The following TESPA1 variants were observed in gnomAD, a reference collection of about 807,000 sequenced individuals.
TESPA1 encodes protein TESPA1.
A neutral mutation model predicts 57.9 loss-of-function variants in TESPA1; 33 were observed. The ratio of observed to expected loss-of-function variants is 0.57; its 90% CI spans 0.43 to 0.76. The LOEUF (loss-of-function observed/expected upper bound fraction) is 0.76. Ranked by LOEUF, TESPA1 falls within the 30% of genes least tolerant of loss-of-function variation. TESPA1 has a pLI of 0.00. For missense variants in TESPA1, 618 were observed against 632.9 expected (o/e 0.98, Z 0.25); for synonymous variants, 227 against 228.9 (o/e 0.99, Z 0.07).
intron 10 of TESPA1, among the ~76,000 whole-genome samples, chr12:54,952,694 C>A (rs1410780309): frequency 6.6e-6 from 1 of 152,148 alleles, no homozygotes; most frequent in South Asian, 2.1e-4. Context: ...GTCTTTGGAC[C>A]AGGTCAAGCA....
rs887842203 is a variant in TESPA1, at chr12:54,969,043, A to G, written c.207-1151T>C. On this transcript the variant is annotated intron_variant, in intron 3 of 10. Transcript: ENST00000449076. ...TATGTATATATATATATATATATAT[A>G]TATGTGTGTGTGTAGATAGATAGAT... 4.7e-4 allele frequency among the ~76,000 whole-genome samples: 56 copies of G among 119,350 alleles called. 1 individual carries two copies. Among genetic ancestry groups the G allele is most frequent in the Non-Finnish European group, 1.4e-4 (9 of 63,772 alleles). 78.3% of individuals were successfully genotyped at this position (119,350 alleles called of 152,430 possible).
intron 10 of TESPA1, 133 bp downstream of exon 10, chr12:54,961,035 G>A: frequency 2.0e-6 from 2 of 1,022,434 alleles, no homozygotes; most frequent in Admixed American, 4.1e-5. Flanking sequence ...AAAATAATTA[G>A]TCATTGGTTT....
chr12:54,956,481 G>A (rs1022847352), intron 10 of TESPA1, among the ~76,000 whole-genome samples: 1 of 152,172 alleles, frequency 6.6e-6, no homozygotes, highest in African/African-American at 2.4e-5. Flanking sequence ...GTCAACACAG[G>A]AAACCAATAG....
Position 54,963,797 on chromosome 12 carries a change from G to A in TESPA1, c.600C>T (p.Phe200=), listed in dbSNP as rs767039991. The part of the protein sequence containing the change: ...SQAKGIDFQL[F]LKSQVRRIEM... ...CAATCCTCCGCACCTGGGACTTCAG[G>A]AAGAGCTGGAAATCAATGCCCTTGG... The change falls in exon 8 of 11, where the codon TTC becomes TTT. Residue 200 remains phenylalanine (F), a synonymous_variant. Coordinates refer to ENST00000449076, the MANE Select transcript of TESPA1 (RefSeq NM_001136030.3). The A allele has an allele frequency of 1.2e-6, 2 of 1,613,956 alleles. No individual in the cohort carries two copies. The highest frequency in any genetic ancestry group is 1.7e-5 in the Admixed American group (1 of 60,020).
intron 10 of TESPA1, among the ~76,000 whole-genome samples, chr12:54,958,836 C>A (rs1294065619): frequency 6.6e-6 from 1 of 152,122 alleles, no homozygotes; most frequent in African/African-American, 2.4e-5. Flanking sequence ...TTCTGTGACA[C>A]CATTTTTTAT....
intron 3 of TESPA1, chr12:54,968,131 G>A (rs1452854486): frequency 3.3e-6 from 3 of 897,148 alleles, no homozygotes; most frequent in Non-Finnish European, 4.9e-6. Context: ...TGTTGTCCTG[G>A]CCACAGGACT....
chr12:54,962,400 C>CCAGTCT, intron 9 of TESPA1, 31 bp downstream of exon 9: 1 of 1,594,874 alleles, frequency 6.3e-7, no homozygotes, highest in Non-Finnish European at 8.5e-7. Flanking sequence ...CCTTTCTCTG[C>CCAGTCT]CAGTCTCTCC....
At chr12:54,958,613 C>A (rs1420945295) in intron 10 of TESPA1, among the ~76,000 whole-genome samples, 2 of 151,730 alleles carry the variant, frequency 1.3e-5, no homozygotes, top group Admixed American at 6.6e-5. Flanking sequence ...TCTTTTATTT[C>A]TTTCTCTCTT....
intron 2 of TESPA1, 82 bp downstream of exon 2, chr12:54,974,317 CT>C: frequency 7.8e-7 from 1 of 1,285,160 alleles, no homozygotes; most frequent in Non-Finnish European, 1.0e-6. Flanking sequence ...AACAAGGAAC[CT>C]GTTCACACTC....
chr12:54,965,938 G>A, intron 7 of TESPA1, 115 bp downstream of exon 7: 1 of 955,332 alleles, frequency 1.0e-6, no homozygotes, highest in Non-Finnish European at 1.6e-6. Context: ...TGCAGTAAAA[G>A]TGCATAAAAG....
intron 10 of TESPA1, among the ~76,000 whole-genome samples, chr12:54,953,402 T>C (rs1413853474): frequency 1.3e-5 from 2 of 152,182 alleles, no homozygotes; most frequent in African/African-American, 4.8e-5. Context: ...CTTACCTTTC[T>C]CTCTGCCTAG....
rs556999486 is a variant in TESPA1 at position 54,975,838 on chromosome 12, A to G, written c.-45-1231T>C. 2.0e-5 allele frequency among the ~76,000 whole-genome samples: 3 copies of G among 152,356 alleles called. No homozygotes were observed. The East Asian group carries it at 5.8e-4, about 29-fold the overall frequency. ...AAAGAACATCCTGAACATAAAATGC[A>G]TTCCTAGGGCAGTAAAATTGTTTTT... On this transcript the variant is annotated intron_variant, in intron 1 of 10. Transcript: ENST00000449076.
At chr12:54,983,169 CT>C (rs1952383094) in intron 1 of TESPA1, among the ~76,000 whole-genome samples, 1 of 152,174 alleles carries the variant, frequency 6.6e-6, no homozygotes, top group Non-Finnish European at 1.5e-5. Context: ...ACGGTTGGGG[CT>C]TCATGTTCAC....
chr12:54,965,156 C>G (rs1260066292), intron 7 of TESPA1, among the ~76,000 whole-genome samples: 2 of 152,134 alleles, frequency 1.3e-5, no homozygotes, highest in African/African-American at 4.8e-5. Context: ...TGGGATCAAG[C>G]TATTTGTCCG....
rs539533329 is a variant in TESPA1 at position 54,975,105 on chromosome 12, G to T, written c.-45-498C>A. Among the ~76,000 whole-genome samples the T allele has an allele frequency of 2.6e-5, 4 of 152,044 alleles. No homozygotes were observed. In the East Asian group the frequency reaches 7.7e-4, roughly 29 times the overall value. The stretch of plus-strand genomic sequence containing the variant: ...TTTTCTAAGGTCCCACAACCAGGAT[G>T]TCACTCCAACTATAGGAATTCTGGG... On this transcript the variant is annotated intron_variant, in intron 1 of 10. Transcript: ENST00000449076.
intron 1 of TESPA1, among the ~76,000 whole-genome samples, chr12:54,980,203 T>A (rs2136213292): frequency 6.6e-6 from 1 of 152,338 alleles, no homozygotes; most frequent in East Asian, 1.9e-4. Flanking sequence ...GCTCTCCATC[T>A]TATAGTCTAG....
chr12:54,973,332 C>T, intron 3 of TESPA1, 145 bp downstream of exon 3: 3 of 1,181,570 alleles, frequency 2.5e-6, no homozygotes, highest in Non-Finnish European at 1.2e-6. Context: ...ACCCGCAACA[C>T]CCCTCCAACC....
chr12:54,951,325 G>T (rs1158183595), intron 10 of TESPA1, among the ~76,000 whole-genome samples: 2 of 152,114 alleles, frequency 1.3e-5, no homozygotes, highest in East Asian at 3.8e-4. Flanking sequence ...ATGAATGAAA[G>T]TTCCTGAGGT....
chr12:54,973,774 G>A, intron 2 of TESPA1: 2 of 1,243,464 alleles, frequency 1.6e-6, no homozygotes, highest in Non-Finnish European at 2.0e-6. Context: ...GCCCACTGCT[G>A]TCTTTTGAGA....
Sources: gnomAD v4.1 joint callset for allele counts (sites outside exome capture counted in the v4.1 genomes callset) on GRCh38, gnomAD v4.1.1 for gene constraint, MANE v1.5 for transcripts, NCBI Gene and HGNC (gene_info 2026-07-23, HGNC 2026-07-21) for gene names.